The following LRIG2 variants were observed in gnomAD, a reference collection of about 807,000 sequenced individuals.
LRIG2 encodes the protein leucine rich repeats and immunoglobulin like domains 2, also known as leucine-rich repeats and immunoglobulin-like domains protein 2.
A neutral mutation model predicts 107.8 loss-of-function variants in LRIG2; 93 were observed. The ratio of observed to expected loss-of-function variants is 0.86; its 90% CI spans 0.73 to 1.03. The LOEUF (loss-of-function observed/expected upper bound fraction) is 1.03, where lower values mean the gene tolerates loss of function less well. Among genes scored for constraint, LRIG2 ranks in the 50% least tolerant of loss-of-function variants. The pLI, the probability that LRIG2 is intolerant of heterozygous loss-of-function variation, is 0.00. For synonymous variants in LRIG2, 471 were observed against 470.6 expected, an observed-to-expected ratio of 1.00 and a Z score of -0.01; for missense variants, 1,226 against 1,296.0, an observed-to-expected ratio of 0.95 and a Z score of 0.83.
rs1655397302 is a variant in LRIG2, at chr1:113,124,298, T to C, written c.*197T>C. 1.7e-6 allele frequency: 1 copy of C among 597,436 alleles called. No homozygotes were observed. The highest frequency in any genetic ancestry group is 3.0e-6 in the Non-Finnish European group (1 of 336,940). The allele number at this position is 597,436 out of a possible 1,614,324, so 37.0% of individuals were successfully genotyped here. A position where few individuals can be genotyped will look rare whatever the true frequency, so the allele number is the denominator to read the frequency against. ...AATGGCAACAGCTGACAGAAATGGG[T>C]ACAGCTCATCAAAAATGTGCAGCAC... On this transcript the variant is annotated 3_prime_UTR_variant, in exon 18 of 18. Transcript: ENST00000361127.
intron 1 of LRIG2, among the ~76,000 whole-genome samples, chr1:113,080,845 T>TTG (rs1653245655): frequency 1.3e-5 from 2 of 148,404 alleles, no homozygotes; most frequent in African/African-American, 5.0e-5. Flanking sequence ...AGTTTTTTTT[T>TTG]TTTTTTTTTT....
At chr1:113,101,873 A>AT (rs1297631615) in intron 11 of LRIG2, among the ~76,000 whole-genome samples, 3 of 152,254 alleles carry the variant, frequency 2.0e-5, no homozygotes, top group Non-Finnish European at 4.4e-5. Context: ...TGATGAAAAC[A>AT]TTAGTGCACA....
chr1:113,082,193 T>G (rs1341337182), intron 1 of LRIG2, among the ~76,000 whole-genome samples: 1 of 152,214 alleles, frequency 6.6e-6, no homozygotes, highest in East Asian at 1.9e-4. Context: ...TTCTTTATCC[T>G]GGTATATCTG....
Position 113,107,611 on chromosome 1 carries a change from G to C in LRIG2, c.1331G>C (p.Ser444Thr). The change falls in exon 12 of 18, where the codon AGT becomes ACT. Residue 444 changes from serine to threonine, a missense_variant. By Grantham distance (58) the Ser-to-Thr change is moderately conservative. Transcript: ENST00000361127. Reference protein sequence around the residue: ...HLKELILNTSSLLCDCHLKWL... With the variant: ...HLKELILNTSTLLCDCHLKWL... ...TCCTGCAGGATTCTGAACACAAGCA[G>C]TTTGCTCTGTGACTGCCATTTGAAG... 6.2e-7 allele frequency: 1 copy of C among 1,610,636 alleles called. No individual in the cohort carries two copies. Among genetic ancestry groups the C allele is most frequent in the Non-Finnish European group, 8.5e-7 (1 of 1,179,226 alleles).
chr1:113,110,208 T>A, intron 12 of LRIG2, 34 bp from the exon 13 acceptor site: 1 of 1,427,046 alleles, frequency 7.0e-7, no homozygotes, highest in Non-Finnish European at 9.6e-7. Context: ...AATAAATAAC[T>A]GACTTGGCTA....
In LRIG2 at chr1:113,116,413, G is replaced by A; in HGVS notation, c.2657G>A (p.Gly886Glu). ...SHQQLMPPANGYIHKGTDGGT... is the reference protein window; with the variant it reads ...SHQQLMPPANEYIHKGTDGGT... ...CAGCAACTTATGCCTCCTGCCAATG[G>A]ATATATACACAAAGGCACTGACGGT... The change falls in exon 16 of 18, where the codon GGA (glycine) becomes GAA (glutamate). Residue 886 changes from glycine to glutamate, a missense_variant. Gly to Glu is a moderately conservative substitution (Grantham distance 98). This residue lies in a region of LRIG2 where 642 missense variants were observed against 712.2 expected (regional missense o/e 0.90). Coordinates refer to ENST00000361127, the MANE Select transcript of LRIG2 (RefSeq NM_014813.3). The A allele has an allele frequency of 6.2e-7, 1 of 1,605,896 alleles. No homozygotes were observed. The highest frequency in any genetic ancestry group is 8.5e-7 in the Non-Finnish European group (1 of 1,177,418).
Position 113,094,744 on chromosome 1 carries a change from C to T in LRIG2, c.792C>T (p.Asn264=). 6.2e-7 allele frequency: 1 copy of T among 1,613,548 alleles called. No individual in the cohort carries two copies. Among genetic ancestry groups the T allele is most frequent in the Non-Finnish European group, 8.5e-7 (1 of 1,179,778 alleles). Reference sequence around the variant, plus strand: ...ATGGAGCATTTTTTGGCTTGAATAACATGGAAGAACTGTAAGTACTCGGGA... The same window carrying T: ...ATGGAGCATTTTTTGGCTTGAATAATATGGAAGAACTGTAAGTACTCGGGA... ...LKDGAFFGLN[N]MEELELEHNN... is the part of the protein sequence containing the mutation. The change falls in exon 6 of 18, where the codon AAC becomes AAT. Residue 264 remains asparagine, a synonymous_variant. Coordinates refer to ENST00000361127, the MANE Select transcript of LRIG2 (RefSeq NM_014813.3).
chr1:113,113,341 TTTG>T (rs1230939053), intron 14 of LRIG2, among the ~76,000 whole-genome samples: 6 of 151,846 alleles, frequency 4.0e-5, no homozygotes, highest in East Asian at 1.9e-4. Flanking sequence ...CTGGGTTTTT[TTTG>T]TTGTTGTTGT....
chr1:113,086,144 C>T (rs1352147698), intron 1 of LRIG2, among the ~76,000 whole-genome samples: 1 of 151,202 alleles, frequency 6.6e-6, no homozygotes, highest in South Asian at 2.1e-4. Flanking sequence ...GCTGGGATTA[C>T]AGCCACACGC....
At chr1:113,096,614 T>TC (rs1469435538) in intron 8 of LRIG2, among the ~76,000 whole-genome samples, 1 of 152,226 alleles carries the variant, frequency 6.6e-6, no homozygotes, top group Non-Finnish European at 1.5e-5. Context: ...CATGTCTTAT[T>TC]GTGTTAGTTG....
chr1:113,111,243 C>A (rs534686383), intron 13 of LRIG2, among the ~76,000 whole-genome samples: 7 of 152,186 alleles, frequency 4.6e-5, no homozygotes, highest in South Asian at 2.1e-4. Context: ...ACCATTTTGG[C>A]CAGGTTGGTC....
chr1:113,107,784 T>C (rs1256511466), intron 12 of LRIG2, 27 bp downstream of exon 12: 11 of 1,575,396 alleles, frequency 7.0e-6, no homozygotes, highest in Non-Finnish European at 8.7e-6. Context: ...TAAAATTTTA[T>C]ATATTACACA....
intron 1 of LRIG2, 110 bp downstream of exon 1, chr1:113,073,755 G>T: frequency 9.7e-7 from 1 of 1,028,002 alleles, no homozygotes; most frequent in Non-Finnish European, 1.4e-6. Context: ...GAGAGCCTAA[G>T]CTCTGAAGGA....
chr1:113,121,616 G>A (rs557529998), intron 17 of LRIG2, among the ~76,000 whole-genome samples: 197 of 152,084 alleles, frequency 1.3e-3, no homozygotes, highest in African/African-American at 4.5e-3. Context: ...GGTGGTGGGC[G>A]CCTGTAATCC....
At chr1:113,105,884 A>G (rs1452601923) in intron 11 of LRIG2, among the ~76,000 whole-genome samples, 4 of 152,234 alleles carry the variant, frequency 2.6e-5, no homozygotes, top group Admixed American at 6.5e-5. Context: ...TTTAATAACA[A>G]TATGTCAACT....
intron 1 of LRIG2, among the ~76,000 whole-genome samples, chr1:113,088,436 T>G (rs1653651525): frequency 6.6e-6 from 1 of 152,354 alleles, no homozygotes; most frequent in East Asian, 1.9e-4. Flanking sequence ...TTAGATTTCT[T>G]TAATAATTAT....
intron 17 of LRIG2, among the ~76,000 whole-genome samples, chr1:113,120,536 G>A (rs1215235926): frequency 2.7e-5 from 4 of 148,090 alleles, no homozygotes; most frequent in Admixed American, 2.0e-4. Flanking sequence ...GGGAAATGGA[G>A]GTTCGCTCTT....
At position 113,110,515 on chromosome 1, in the gene LRIG2, A is replaced by G; in HGVS notation, c.1751A>G (p.Asn584Ser). ...DEGKYQCIVT[N>S]HFGSNYSQKA... ...GGAAAATATCAGTGTATTGTTACTA[A>G]TCACTTTGGTTCTAATTATTCTCAG... The change falls in exon 13 of 18, where the codon AAT becomes AGT. Residue 584 changes from asparagine to serine, a missense_variant. By Grantham distance (46) the Asn-to-Ser change is conservative. Coordinates refer to ENST00000361127, the MANE Select transcript of LRIG2 (RefSeq NM_014813.3). 6.2e-7 allele frequency: 1 copy of G among 1,613,040 alleles called. No individual in the cohort carries two copies. The highest frequency in any genetic ancestry group is 2.2e-5 in the East Asian group (1 of 44,878).
intron 11 of LRIG2, among the ~76,000 whole-genome samples, chr1:113,106,124 AG>A (rs1654528619): frequency 6.6e-6 from 1 of 151,970 alleles, no homozygotes; most frequent in African/African-American, 2.4e-5. Context: ...GCTACTTGGG[AG>A]GCTGAGGCAG....
Sources: allele counts gnomAD v4.1 joint callset (sites outside exome capture counted in the v4.1 genomes callset), GRCh38; gene constraint gnomAD v4.1.1; regional missense constraint gnomAD v4.1.1; transcripts MANE v1.5; gene names NCBI Gene and HGNC (gene_info 2026-07-23, HGNC 2026-07-21).